Variants in GRID2 observed in about 807,000 individuals in gnomAD.
The protein encoded by GRID2 is glutamate receptor ionotropic, delta-2.
Under a neutral mutation model 114.8 loss-of-function variants are expected in GRID2, and 33 were observed. The observed-to-expected ratio is 0.29, with a 90% CI of 0.22 to 0.38. The LOEUF is 0.38. Ranked by LOEUF, GRID2 falls within the 10% of genes least tolerant of loss-of-function variation. GRID2 has a pLI of 1.00. For missense variants in GRID2, 1,184 were observed against 1,257.7 expected, an observed-to-expected ratio of 0.94 and a Z score of 0.89; for synonymous variants, 505 against 449.9, an observed-to-expected ratio of 1.12 and a Z score of -1.55.
intron 12 of GRID2, among the ~76,000 whole-genome samples, chr4:93,506,147 A>G (rs1728603533): frequency 6.6e-6 from 1 of 152,208 alleles, no homozygotes; most frequent in Non-Finnish European, 1.5e-5. Flanking sequence ...AGTCCATGAC[A>G]TCTACCCTTC....
chr4:92,860,766 G>T (rs148042537), intron 2 of GRID2, among the ~76,000 whole-genome samples: 10 of 152,052 alleles, frequency 6.6e-5, no homozygotes, highest in East Asian at 1.9e-4. Context: ...CTGCCATTTC[G>T]CCTGAACCCT....
intron 14 of GRID2, among the ~76,000 whole-genome samples, chr4:93,651,002 C>A (rs1429064189): frequency 6.6e-6 from 1 of 152,046 alleles, no homozygotes; most frequent in Non-Finnish European, 1.5e-5. Context: ...TGAAGGTGAC[C>A]ATTTGAGGTC....
At chr4:93,314,085 A>C (rs1288914562) in intron 8 of GRID2, among the ~76,000 whole-genome samples, 1 of 152,056 alleles carries the variant, frequency 6.6e-6, no homozygotes, top group Non-Finnish European at 1.5e-5. Flanking sequence ...CGGGCGGATC[A>C]CCTGAGGTCA....
At chr4:93,626,057 G>A (rs1742700020) in intron 13 of GRID2, among the ~76,000 whole-genome samples, 1 of 152,118 alleles carries the variant, frequency 6.6e-6, no homozygotes, top group South Asian at 2.1e-4. Flanking sequence ...CAAATACTAT[G>A]ACATTTTATA....
chr4:93,062,338 ATG>A (rs1163502319), intron 2 of GRID2, among the ~76,000 whole-genome samples: 1 of 152,112 alleles, frequency 6.6e-6, no homozygotes, highest in East Asian at 1.9e-4. Flanking sequence ...AAGATGGAGA[ATG>A]AGGAAGAAGA....
chr4:93,756,604 G>A (rs1408075418), intron 14 of GRID2, among the ~76,000 whole-genome samples: 2 of 152,086 alleles, frequency 1.3e-5, no homozygotes, highest in African/African-American at 4.8e-5. Context: ...AAGAGCACTG[G>A]TCCCTTCAAA....
intron 1 of GRID2, among the ~76,000 whole-genome samples, chr4:93,791,143 C>T (rs1051597389): frequency 6.6e-6 from 1 of 152,084 alleles, no homozygotes; most frequent in Non-Finnish European, 1.5e-5. Flanking sequence ...CAAATGAAAA[C>T]ATATGTGTTA....
At chr4:92,539,868 A>G (rs1725837937) in intron 1 of GRID2, among the ~76,000 whole-genome samples, 1 of 152,172 alleles carries the variant, frequency 6.6e-6, no homozygotes, top group South Asian at 2.1e-4. Flanking sequence ...AAAATCTTGA[A>G]GTCGGGTAGC....
chr4:92,723,989 G>T (rs573350221), intron 2 of GRID2, among the ~76,000 whole-genome samples: 3 of 152,010 alleles, frequency 2.0e-5, no homozygotes, highest in African/African-American at 7.2e-5. Context: ...CTGTGAATTA[G>T]ATATATTATT....
chr4:93,012,377 A>AT (rs1429722589), intron 2 of GRID2, among the ~76,000 whole-genome samples: 22 of 151,990 alleles, frequency 1.4e-4, no homozygotes, highest in African/African-American at 5.3e-4. Context: ...TCACCCCCAT[A>AT]TACTATACCT....
intron 2 of GRID2, among the ~76,000 whole-genome samples, chr4:92,609,499 G>A (rs1729619824): frequency 1.3e-5 from 2 of 151,572 alleles, no homozygotes; most frequent in African/African-American, 2.4e-5. Context: ...TTAAAATAAA[G>A]TGGTCAGGAA....
At chr4:93,014,313 G>A (rs1722471327) in intron 2 of GRID2, among the ~76,000 whole-genome samples, 1 of 152,002 alleles carries the variant, frequency 6.6e-6, no homozygotes, top group Non-Finnish European at 1.5e-5. Flanking sequence ...ATGAATTTAA[G>A]AGGAAAACAA....
At chr4:93,410,353 A>G (rs990023322) in intron 9 of GRID2, among the ~76,000 whole-genome samples, 3 of 151,958 alleles carry the variant, frequency 2.0e-5, no homozygotes, top group Non-Finnish European at 4.4e-5. Flanking sequence ...TCACTTTGTC[A>G]TTTATTTTTA....
intron 13 of GRID2, among the ~76,000 whole-genome samples, chr4:93,617,282 A>G (rs559855937): frequency 1.3e-5 from 2 of 152,342 alleles, no homozygotes; most frequent in African/African-American, 4.8e-5. Context: ...GGGGAATGGT[A>G]CAATAATGTA....
At chr4:93,118,129 C>T (rs774673439) in intron 4 of GRID2, among the ~76,000 whole-genome samples, 19 of 152,146 alleles carry the variant, frequency 1.2e-4, no homozygotes, top group Non-Finnish European at 2.2e-4. Flanking sequence ...TTATGACAGT[C>T]TGTAGTCTAC....
chr4:93,658,886 T>G (rs1723243902), intron 14 of GRID2, among the ~76,000 whole-genome samples: 2 of 152,186 alleles, frequency 1.3e-5, no homozygotes, highest in South Asian at 4.1e-4. Flanking sequence ...GTGCAAGAAC[T>G]TGAGAGCACA....
intron 14 of GRID2, among the ~76,000 whole-genome samples, chr4:93,705,589 T>G (rs1727926104): frequency 6.6e-6 from 1 of 152,216 alleles, no homozygotes; most frequent in Admixed American, 6.5e-5. Flanking sequence ...ATTAATCCCT[T>G]GTCAGATGGA....
chr4:92,878,819 T>C (rs1484145988), intron 2 of GRID2, among the ~76,000 whole-genome samples: 2 of 152,160 alleles, frequency 1.3e-5, no homozygotes, highest in Non-Finnish European at 2.9e-5. Context: ...ATAGCCTTTA[T>C]TGAATGTCAT....
intron 2 of GRID2, among the ~76,000 whole-genome samples, chr4:92,603,852 C>G (rs1049605597): frequency 1.2e-4 from 18 of 151,746 alleles, no homozygotes; most frequent in Non-Finnish European, 1.8e-4. Flanking sequence ...AAAAACAACT[C>G]CATTAAAAAG....
Sources: gnomAD v4.1 joint callset for allele counts (sites outside exome capture counted in the v4.1 genomes callset) on GRCh38, gnomAD v4.1.1 for gene constraint, MANE v1.5 for transcripts, NCBI Gene and HGNC (gene_info 2026-07-23, HGNC 2026-07-21) for gene names.